The following RAPGEF4 variants were observed in gnomAD, a reference collection of about 807,000 sequenced individuals.
RAPGEF4 encodes the protein RAP guanine-nucleotide-exchange factor (GEF) 4.
A neutral mutation model predicts 147.9 loss-of-function variants in RAPGEF4; 66 were observed. The ratio of observed to expected loss-of-function variants is 0.45; its 90% CI spans 0.37 to 0.55. RAPGEF4 has a LOEUF of 0.55. RAPGEF4 is among the 20% of genes least tolerant of loss of function. RAPGEF4 has a pLI of 0.00. For synonymous variants in RAPGEF4, 419 were observed against 442.7 expected (o/e 0.95, Z 0.67); for missense variants, 1,071 against 1,257.3 (o/e 0.85, Z 2.24).
chr2:172,996,072 A>G (rs1693327134), intron 15 of RAPGEF4, among the ~76,000 whole-genome samples: 1 of 152,160 alleles, frequency 6.6e-6, no homozygotes, highest in Non-Finnish European at 1.5e-5. Flanking sequence ...CCATATATGG[A>G]TAACCTAGCT....
chr2:173,005,180 T>C (rs1403850460), intron 17 of RAPGEF4, among the ~76,000 whole-genome samples: 1 of 152,132 alleles, frequency 6.6e-6, no homozygotes, highest in Non-Finnish European at 1.5e-5. Flanking sequence ...GCTAAATCTT[T>C]GCTCATGTAT....
At chr2:172,928,990 TG>T (rs1051526051) in intron 6 of RAPGEF4, among the ~76,000 whole-genome samples, 95 of 152,190 alleles carry the variant, frequency 6.2e-4, no homozygotes, top group Non-Finnish European at 1.3e-3. Context: ...TTCCAAGCTG[TG>T]GGAGAGTATA....
intron 1 of RAPGEF4, among the ~76,000 whole-genome samples, chr2:172,772,115 T>C (rs1352160800): frequency 6.6e-6 from 1 of 151,968 alleles, no homozygotes; most frequent in East Asian, 1.9e-4. Flanking sequence ...GGCATACGCC[T>C]GTAGTCTCAG....
intron 1 of RAPGEF4, among the ~76,000 whole-genome samples, chr2:172,761,580 A>C (rs1435221333): frequency 1.3e-5 from 2 of 152,220 alleles, no homozygotes; most frequent in African/African-American, 4.8e-5. Flanking sequence ...AGTTGTGACT[A>C]GTAGTCCTAG....
chr2:172,946,849 C>T (rs1482993429), intron 6 of RAPGEF4, among the ~76,000 whole-genome samples: 3 of 152,198 alleles, frequency 2.0e-5, no homozygotes, highest in African/African-American at 7.2e-5. Context: ...AGAAGCCCCA[C>T]CTGCTGATTT....
At chr2:173,010,735 C>T (rs960336831) in intron 17 of RAPGEF4, among the ~76,000 whole-genome samples, 8 of 152,162 alleles carry the variant, frequency 5.3e-5, no homozygotes, top group African/African-American at 1.9e-4. Flanking sequence ...GAAACATCAG[C>T]ATCTGATCTG....
intron 26 of RAPGEF4, 39 bp downstream of exon 26, chr2:173,030,293 A>C: frequency 1.3e-6 from 2 of 1,502,152 alleles, no homozygotes; most frequent in Non-Finnish European, 1.9e-6. Flanking sequence ...CTTTTGCCTT[A>C]GGAATAAAAA....
intron 1 of RAPGEF4, among the ~76,000 whole-genome samples, chr2:172,789,627 T>C (rs1429364395): frequency 6.6e-6 from 1 of 152,204 alleles, no homozygotes; most frequent in East Asian, 1.9e-4. Flanking sequence ...CATTTCCCTT[T>C]CACTCCAGTC....
intron 1 of RAPGEF4, among the ~76,000 whole-genome samples, chr2:172,757,764 T>C (rs1175185391): frequency 1.3e-5 from 2 of 152,236 alleles, no homozygotes; most frequent in Non-Finnish European, 2.9e-5. Flanking sequence ...GTGATTGTTT[T>C]AATAACTGAG....
At chr2:172,936,224 C>T (rs761440556) in intron 6 of RAPGEF4, among the ~76,000 whole-genome samples, 4 of 152,042 alleles carry the variant, frequency 2.6e-5, no homozygotes, top group Admixed American at 6.6e-5. Flanking sequence ...AAAAATTAGC[C>T]GGGCATGGCG....
At chr2:172,743,034 T>G (rs1304638898) in intron 1 of RAPGEF4, among the ~76,000 whole-genome samples, 1 of 152,218 alleles carries the variant, frequency 6.6e-6, no homozygotes, top group Non-Finnish European at 1.5e-5. Flanking sequence ...GAAGATTTTA[T>G]GGCCCTCTCA....
At chr2:172,850,355 T>C (rs928359972) in intron 4 of RAPGEF4, among the ~76,000 whole-genome samples, 6 of 152,280 alleles carry the variant, frequency 3.9e-5, no homozygotes, top group Admixed American at 2.0e-4. Context: ...TGGTGGCTCA[T>C]GCCTGTAATC....
chr2:172,752,566 A>T (rs576474855), intron 1 of RAPGEF4, among the ~76,000 whole-genome samples: 1 of 152,328 alleles, frequency 6.6e-6, no homozygotes, highest in African/African-American at 2.4e-5. Flanking sequence ...TAGGTTGCAG[A>T]GTTAGAACTA....
intron 4 of RAPGEF4, among the ~76,000 whole-genome samples, chr2:172,880,890 T>C (rs1696546580): frequency 6.6e-6 from 1 of 152,250 alleles, no homozygotes; most frequent in Admixed American, 6.5e-5. Context: ...TCACTCTTAG[T>C]GATTGTTGTC....
chr2:172,991,902 T>C (rs1469629116), intron 15 of RAPGEF4, among the ~76,000 whole-genome samples: 1 of 152,220 alleles, frequency 6.6e-6, no homozygotes, highest in Non-Finnish European at 1.5e-5. Context: ...GATAATATTA[T>C]TAAATAGCCA....
chr2:172,920,145 A>T (rs964664621), intron 5 of RAPGEF4, among the ~76,000 whole-genome samples: 4 of 152,150 alleles, frequency 2.6e-5, no homozygotes, highest in Admixed American at 6.5e-5. Context: ...CCTTATTTTC[A>T]TCACTTTCAT....
intron 4 of RAPGEF4, among the ~76,000 whole-genome samples, chr2:172,819,335 C>T (rs1183984754): frequency 1.3e-5 from 2 of 151,990 alleles, no homozygotes; most frequent in African/African-American, 4.8e-5. Context: ...TATAAAACAT[C>T]TCATTTTCCA....
At chr2:172,835,911 A>C (rs922420687) in intron 4 of RAPGEF4, among the ~76,000 whole-genome samples, 1 of 152,196 alleles carries the variant, frequency 6.6e-6, no homozygotes, top group African/African-American at 2.4e-5. Flanking sequence ...AGGCTTCTAA[A>C]TTAGAATGTG....
intron 4 of RAPGEF4, among the ~76,000 whole-genome samples, chr2:172,873,891 A>G (rs902680221): frequency 1.3e-5 from 2 of 152,212 alleles, no homozygotes; most frequent in Non-Finnish European, 2.9e-5. Flanking sequence ...GGCAAAGGAT[A>G]TGAACAGGCA....
Sources: gnomAD v4.1 joint callset for allele counts (sites outside exome capture counted in the v4.1 genomes callset) on GRCh38, gnomAD v4.1.1 for gene constraint, MANE v1.5 for transcripts, NCBI Gene and HGNC (gene_info 2026-07-23, HGNC 2026-07-21) for gene names.